Variants in ARCN1 observed in about 807,000 individuals in gnomAD.
ARCN1 encodes coatomer subunit delta.
Under a neutral mutation model 60.4 loss-of-function variants are expected in ARCN1, and 5 were observed. That is an observed-to-expected ratio of 0.08 (90% CI 0.04 to 0.17). ARCN1 has a LOEUF of 0.17. ARCN1 is among the 10% of genes least tolerant of loss of function. The probability of loss-of-function intolerance (pLI) is 1.00; values close to 1 mark genes in which losing one functional copy is unlikely to be tolerated. For synonymous variants in ARCN1, 224 were observed against 220.0 expected, an observed-to-expected ratio of 1.02 and a Z score of -0.16; for missense variants, 464 against 626.5, an observed-to-expected ratio of 0.74 and a Z score of 2.77.
In ARCN1 at chr11:118,584,922, T is replaced by C. The variant is rs561216599; in HGVS notation, c.818+278T>C. On this transcript the variant is annotated intron_variant, in intron 5 of 9. Coordinates refer to ENST00000264028, the MANE Select transcript of ARCN1 (RefSeq NM_001655.5). ...CTCGCTGCAAGCTCTCCCTCCCAGG[T>C]TCACGCCATTCTCCTGCCTCAGCCT... 2.6e-5 allele frequency among the ~76,000 whole-genome samples: 4 copies of C among 152,020 alleles called. No homozygotes were observed. The South Asian group carries it at 8.3e-4, about 32-fold the overall frequency.
In ARCN1 at chr11:118,601,369, T is replaced by C. The variant is rs989109188; in HGVS notation, c.*655T>C. On this transcript the variant is annotated 3_prime_UTR_variant, in exon 10 of 10. Transcript: ENST00000264028. ...GAGCCACCATGCCCAGCTGCTCCTT[T>C]ATTTTAATCCCTAAATATAATCCCT... The C allele has an allele frequency of 5.9e-6, 3 of 507,146 alleles. No individual in the cohort carries two copies. The Admixed American group carries it at 7.9e-5, about 13-fold the overall frequency. 31.4% of individuals were successfully genotyped at this position (507,146 alleles called of 1,614,324 possible). A position where few individuals can be genotyped will look rare whatever the true frequency, so the allele number is the denominator to read the frequency against.
In ARCN1 at chr11:118,583,162, T is replaced by C; in HGVS notation, c.268-17T>C. The C allele has an allele frequency of 6.2e-7, 1 of 1,612,100 alleles. No homozygotes were observed. ...ATAAATTCTAAATCTTTCTTTTTTA[T>C]TGGTGTCCACGCTTAGATCCCTGAA... On this transcript the variant is annotated splice_polypyrimidine_tract_variant and intron_variant, in intron 2 of 9. Coordinates refer to ENST00000264028, the MANE Select transcript of ARCN1 (RefSeq NM_001655.5).
chr11:118,573,126 T>C (rs1938392886), intron 1 of ARCN1, among the ~76,000 whole-genome samples: 1 of 152,224 alleles, frequency 6.6e-6, no homozygotes, highest in African/African-American at 2.4e-5. Context: ...AGGACCCAAG[T>C]GTCTCTGAAA....
At chr11:118,579,260 A>G (rs545314821) in intron 1 of ARCN1, among the ~76,000 whole-genome samples, 1 of 152,138 alleles carries the variant, frequency 6.6e-6, no homozygotes, top group South Asian at 2.1e-4. Flanking sequence ...ACTAGTTCTA[A>G]GTCTTTAGGA....
chr11:118,575,277 C>T (rs192731311), intron 1 of ARCN1, among the ~76,000 whole-genome samples: 3 of 152,232 alleles, frequency 2.0e-5, no homozygotes, highest in Non-Finnish European at 2.9e-5. Flanking sequence ...GGCGCCCGGC[C>T]CCTGTATTAT....
rs190793808 is a variant in ARCN1, at chr11:118,593,822, G to A, written c.1241+124G>A. ...AAGATACTTCTTTAAAAAGCTAGTTGTGAAAGAAGCCAGATACAAAAGGCT... is the reference window on the plus strand; with the variant it reads ...AAGATACTTCTTTAAAAAGCTAGTTATGAAAGAAGCCAGATACAAAAGGCT... On this transcript the variant is annotated intron_variant, in intron 8 of 9. Transcript: ENST00000264028. 4.3e-4 allele frequency: 242 copies of A among 560,526 alleles called. 1 individual carries two copies. Among genetic ancestry groups the A allele is most frequent in the African/African-American group, 4.1e-3 (220 of 53,130 alleles). 34.7% of individuals were successfully genotyped at this position (560,526 alleles called of 1,614,324 possible). A position where few individuals can be genotyped will look rare whatever the true frequency, so the allele number is the denominator to read the frequency against.
chr11:118,579,561 G>GC (rs1938604205), intron 1 of ARCN1, among the ~76,000 whole-genome samples: 1 of 151,138 alleles, frequency 6.6e-6, no homozygotes, highest in South Asian at 2.1e-4. Flanking sequence ...GGTGGCAGGC[G>GC]CCTGTAATCC....
chr11:118,593,532 A>G (rs550020288), intron 7 of ARCN1, 58 bp from the exon 8 acceptor site: 76 of 1,248,320 alleles, frequency 6.1e-5, no homozygotes, highest in Non-Finnish European at 7.8e-5. Context: ...GGCATGAGCC[A>G]CTGCACCCAG....
intron 8 of ARCN1, among the ~76,000 whole-genome samples, chr11:118,595,655 G>A (rs1555077006): frequency 6.6e-6 from 1 of 152,136 alleles, no homozygotes; most frequent in Admixed American, 6.5e-5. Context: ...GTAAATCCTA[G>A]CTCCTTTCAC....
chr11:118,584,964 C>T (rs1938744909), intron 5 of ARCN1, among the ~76,000 whole-genome samples: 2 of 150,984 alleles, frequency 1.3e-5, no homozygotes, highest in Admixed American at 6.6e-5. Flanking sequence ...TAGCTGGGAC[C>T]ACAGGCGCCC....
chr11:118,575,262 G>GC (rs1938465639), intron 1 of ARCN1, among the ~76,000 whole-genome samples: 1 of 152,184 alleles, frequency 6.6e-6, no homozygotes, highest in Non-Finnish European at 1.5e-5. Context: ...ATAGGTGTGA[G>GC]CCATGGCGCC....
At position 118,584,410 on chromosome 11, in the gene ARCN1, A is replaced by C. The variant is rs1555075157; in HGVS notation, c.654-70A>C. On this transcript the variant is annotated intron_variant, in intron 4 of 9. Coordinates refer to ENST00000264028, the MANE Select transcript of ARCN1 (RefSeq NM_001655.5). ...TATTTCTCTGGACGGGAGATACAAAATTTTCATCAGATCATGTGTGCTTGT... is the reference window on the plus strand; with the variant it reads ...TATTTCTCTGGACGGGAGATACAAACTTTTCATCAGATCATGTGTGCTTGT... 3.1e-5 allele frequency: 45 copies of C among 1,446,206 alleles called. No individual in the cohort carries two copies. The East Asian group carries it at 1.1e-3, about 34-fold the overall frequency. The allele number at this position is 1,446,206 out of a possible 1,614,324, so 89.6% of individuals were successfully genotyped here. A position where few individuals can be genotyped will look rare whatever the true frequency, so the allele number is the denominator to read the frequency against.
chr11:118,593,428 A>C, intron 7 of ARCN1, among the ~76,000 whole-genome samples, 162 bp from the exon 8 acceptor site: 1 of 130,284 alleles, frequency 7.7e-6, no homozygotes. Context: ...GTGGAGTCTC[A>C]CTTTGTTGCC....
chr11:118,593,792 A>G (rs936605406), intron 8 of ARCN1, 94 bp downstream of exon 8: 1 of 672,206 alleles, frequency 1.5e-6, no homozygotes, highest in Non-Finnish European at 2.5e-6. Context: ...CTGACTGTCC[A>G]TTCAAAGATA....
chr11:118,596,726 A>C (rs1555077225), intron 8 of ARCN1, among the ~76,000 whole-genome samples: 1 of 152,176 alleles, frequency 6.6e-6, no homozygotes, highest in Non-Finnish European at 1.5e-5. Flanking sequence ...TGCAGAGTAA[A>C]TCTTAACTAG....
intron 3 of ARCN1, 151 bp downstream of exon 3, chr11:118,583,509 T>G (rs1938706814): frequency 9.8e-7 from 1 of 1,017,430 alleles, no homozygotes; most frequent in Admixed American, 3.0e-5. Flanking sequence ...ATCTCAGCAC[T>G]TTGGGAGGCG....
chr11:118,579,402 T>C (rs1468198339), intron 1 of ARCN1, among the ~76,000 whole-genome samples: 1 of 151,900 alleles, frequency 6.6e-6, no homozygotes, highest in Non-Finnish European at 1.5e-5. Context: ...GGCCGGGCGG[T>C]GGCTCATGCC....
chr11:118,601,342 A>G lies in ARCN1; in HGVS notation c.*628A>G, dbSNP rs781849834. The G allele has an allele frequency of 1.5e-5, 7 of 462,626 alleles. No homozygotes were observed. The highest frequency in any genetic ancestry group is 1.2e-4 in the South Asian group (7 of 60,160). The allele number at this position is 462,626 out of a possible 1,614,324, so 28.7% of individuals were successfully genotyped here. A position where few individuals can be genotyped will look rare whatever the true frequency, so the allele number is the denominator to read the frequency against. On this transcript the variant is annotated 3_prime_UTR_variant, in exon 10 of 10. Coordinates refer to ENST00000264028, the MANE Select transcript of ARCN1 (RefSeq NM_001655.5). ...CTCCCAAAGTGTTGGGATTACAGGC[A>G]TGAGCCACCATGCCCAGCTGCTCCT...
intron 1 of ARCN1, among the ~76,000 whole-genome samples, chr11:118,575,894 T>C (rs1345874768): frequency 6.6e-6 from 1 of 152,184 alleles, no homozygotes; most frequent in Non-Finnish European, 1.5e-5. Context: ...AATGTTACTA[T>C]AAAATATTGT....
Sources: allele counts gnomAD v4.1 joint callset (sites outside exome capture counted in the v4.1 genomes callset), GRCh38; gene constraint gnomAD v4.1.1; transcripts MANE v1.5; gene names NCBI Gene and HGNC (gene_info 2026-07-23, HGNC 2026-07-21).